The following BICDL2 variants were observed in gnomAD, a reference collection of about 807,000 sequenced individuals.
BICDL2 encodes the protein BICD family-like cargo adapter 2.
In BICDL2, 62 loss-of-function variants were observed where a neutral mutation model predicts 56.6. That is an observed-to-expected ratio of 1.10 (90% CI 0.89 to 1.35). BICDL2 has a LOEUF of 1.35. BICDL2 is among the 40% of genes most tolerant of loss of function. BICDL2 has a pLI of 0.00. For synonymous variants in BICDL2, 358 were observed against 319.8 expected, an observed-to-expected ratio of 1.12 and a Z score of -1.27; for missense variants, 808 against 684.5, an observed-to-expected ratio of 1.18 and a Z score of -2.01.
In BICDL2 at chr16:3,029,698, C is replaced by A; in HGVS notation, c.804G>T (p.Ala268=). ...AGACGCGCCGCTGCAGCCTCCGCAG[C>A]GCACTCAGCGCCTCCCCAGCCTCTG... ...ARSEAGEALS[A]LRRLQRRVSE... is the part of the protein sequence containing the mutation. Residue 268 remains alanine (A), a synonymous_variant, in exon 6 of 10, where the codon GCG becomes GCT. Coordinates refer to ENST00000572449, the MANE Select transcript of BICDL2 (RefSeq NM_001369667.1). 1 of 1,540,702 alleles carries A rather than the reference C, an allele frequency of 6.5e-7. No individual in the cohort carries two copies. Among genetic ancestry groups the A allele is most frequent in the Non-Finnish European group, 8.7e-7 (1 of 1,150,144 alleles).
At position 3,030,493 on chromosome 16, in the gene BICDL2, C is replaced by A; in HGVS notation, c.718G>T (p.Glu240Ter). The A allele has an allele frequency of 6.2e-7, 1 of 1,604,404 alleles. No individual in the cohort carries two copies. Residue 240 changes from glutamate (E) to a stop codon, truncating the protein, a stop_gained, in exon 5 of 10, where the codon GAG (glutamate) becomes TAG (stop). Coordinates refer to ENST00000572449, the MANE Select transcript of BICDL2 (RefSeq NM_001369667.1). LOFTEE classifies it high-confidence loss of function. ...GEGRLQTTHEELLLLRRERRE... is the reference protein window; with the variant it reads ...GEGRLQTTHE ...CGCTCCCGCCTCAGCAGCAGCAACT[C>A]CTCGTGGGTGGTCTGCAGTCTGCCC...
At position 3,031,163 on chromosome 16, in the gene BICDL2, G is replaced by C; in HGVS notation, c.283-13C>G. 6.5e-7 allele frequency: 1 copy of C among 1,533,482 alleles called. No individual in the cohort carries two copies. The highest frequency in any genetic ancestry group is 2.4e-5 in the East Asian group (1 of 40,878). The allele number at this position is 1,533,482 out of a possible 1,614,324, so 95.0% of individuals were successfully genotyped here. On this transcript the variant is annotated splice_polypyrimidine_tract_variant and intron_variant, in intron 2 of 9. Coordinates refer to ENST00000572449, the MANE Select transcript of BICDL2 (RefSeq NM_001369667.1). ...CCTGCTGGAGCCGCTGTGGGGGCCA[G>C]GGCAGAGGGACAGAGGCAGAGAGGC...
intron 7 of BICDL2, 48 bp from the exon 8 acceptor site, chr16:3,028,878 C>T: frequency 1.3e-6 from 2 of 1,509,090 alleles, no homozygotes; most frequent in Non-Finnish European, 1.8e-6. Context: ...CAATGGGCCT[C>T]CCTGCTTCTC....
intron 2 of BICDL2, 30 bp downstream of exon 2, chr16:3,035,185 A>G: frequency 2.4e-5 from 1 of 41,126 alleles, no homozygotes; most frequent in Non-Finnish European, 4.3e-5. Flanking sequence ...CTGCCCACCC[A>G]CCCACCCACC....
At chr16:3,036,409 C>A in intron 1 of BICDL2, 1 of 455,076 alleles carries the variant, frequency 2.2e-6, no homozygotes. Flanking sequence ...TCAGAGGGCC[C>A]GACACAACAG....
intron 2 of BICDL2, chr16:3,032,718 G>T (rs1955675826): frequency 6.6e-6 from 1 of 152,208 alleles, no homozygotes; most frequent in African/African-American, 2.4e-5. Context: ...GGAACAGCAA[G>T]TGCAAAGTTC....
Position 3,027,766 on chromosome 16 carries a change from C to G in BICDL2, c.*340G>C. On this transcript the variant is annotated 3_prime_UTR_variant, in exon 10 of 10. Coordinates refer to ENST00000572449, the MANE Select transcript of BICDL2 (RefSeq NM_001369667.1). ...GGCTTTTTTACCATGCTCTTTCTTT[C>G]TATGAATGGGGGCCAAATCGGTGGA... is the stretch of plus-strand genomic sequence containing the variant. 8.0e-7 allele frequency: 1 copy of G among 1,246,010 alleles called. No individual in the cohort carries two copies. 77.2% of individuals were successfully genotyped at this position (1,246,010 alleles called of 1,614,324 possible). A position where few individuals can be genotyped will look rare whatever the true frequency, so the allele number is the denominator to read the frequency against.
At chr16:3,036,025 C>G in intron 1 of BICDL2, 1 of 324,248 alleles carries the variant, frequency 3.1e-6, no homozygotes, top group South Asian at 2.4e-5. Context: ...AGCCCAGATC[C>G]CAGCCCCTGA....
At chr16:3,028,945 A>C in intron 7 of BICDL2, 115 bp from the exon 8 acceptor site, 1 of 1,358,910 alleles carries the variant, frequency 7.4e-7, no homozygotes, top group East Asian at 2.5e-5. Flanking sequence ...CAGACACCCC[A>C]GGCAGCCGTG....
intron 2 of BICDL2, among the ~76,000 whole-genome samples, chr16:3,033,883 G>C (rs1017337385): frequency 1.3e-5 from 2 of 152,156 alleles, no homozygotes; most frequent in Non-Finnish European, 2.9e-5. Flanking sequence ...GCAGGTGATG[G>C]GGGCATGGAA....
chr16:3,035,192 C>CCCCCCCCCCCCCCCCCCCT, intron 2 of BICDL2, 23 bp downstream of exon 2: 1 of 284,874 alleles, frequency 3.5e-6, no homozygotes, highest in East Asian at 1.1e-4. Flanking sequence ...CCCACCCACC[C>CCCCCCCCCCCCCCCCCCCT]ACCCCGTCCA....
rs554176594 is a variant in BICDL2 at position 3,030,474 on chromosome 16, C to A, written c.737G>T (p.Arg246Leu). The change falls in exon 5 of 10, where the codon CGG becomes CTG. Residue 246 changes from arginine to leucine, a missense_variant. By Grantham distance (102) the Arg-to-Leu change is moderately radical (BLOSUM62 -2). Coordinates refer to ENST00000572449, the MANE Select transcript of BICDL2 (RefSeq NM_001369667.1). ...TTHEELLLLR[R>L]ERREHSLELE... ...CTCCAGGCTGTGCTCCCGCCGCTCC[C>A]GCCTCAGCAGCAGCAACTCCTCGTG... 5.0e-6 allele frequency: 8 copies of A among 1,603,628 alleles called. No homozygotes were observed. In the African/African-American group the frequency reaches 8.0e-5, roughly 16 times the overall value.
At chr16:3,032,930 G>A (rs1292889176) in intron 2 of BICDL2, 1 of 152,126 alleles carries the variant, frequency 6.6e-6, no homozygotes, top group African/African-American at 2.4e-5. Flanking sequence ...GGGAGATTCT[G>A]GTTGAGGAGT....
chr16:3,031,778 C>G (rs1230908249), intron 2 of BICDL2: 1 of 377,722 alleles, frequency 2.6e-6, no homozygotes, highest in Non-Finnish European at 4.7e-6. Flanking sequence ...CAGCGACTCG[C>G]AGGTACCCTG....
rs567178257 is a variant in BICDL2 at position 3,029,601 on chromosome 16, G to A, written c.901C>T (p.His301Tyr). The A allele has an allele frequency of 1.2e-5, 18 of 1,543,114 alleles. No homozygotes were observed. In the South Asian group the frequency reaches 2.0e-4, roughly 17 times the overall value. ...SAASLQSELAHSLDDGDQGQG... is the reference protein window; with the variant it reads ...SAASLQSELAYSLDDGDQGQG... ...CCCTGGTCGCCGTCGTCGAGGCTGT[G>A]GGCCAGTTCTGACTGCAACGAGGCA... The change falls in exon 6 of 10, where the codon CAC (histidine) becomes TAC (tyrosine). Residue 301 changes from histidine to tyrosine, a missense_variant. His to Tyr is a moderately conservative substitution (Grantham distance 83, BLOSUM62 2). Coordinates refer to ENST00000572449, the MANE Select transcript of BICDL2 (RefSeq NM_001369667.1).
intron 3 of BICDL2, 32 bp from the exon 4 acceptor site, chr16:3,030,844 T>C: frequency 6.3e-7 from 1 of 1,578,742 alleles, no homozygotes; most frequent in Non-Finnish European, 8.6e-7. Flanking sequence ...CAGAGGAGCC[T>C]CAGCACCAAG....
chr16:3,031,201 G>A, intron 2 of BICDL2, 51 bp from the exon 3 acceptor site: 2 of 1,477,222 alleles, frequency 1.4e-6, no homozygotes, highest in Non-Finnish European at 1.8e-6. Flanking sequence ...CGATGAGACT[G>A]GGCAGGCACA....
At position 3,028,003 on chromosome 16, in the gene BICDL2, G is replaced by T; in HGVS notation, c.*103C>A. The T allele has an allele frequency of 7.4e-7, 1 of 1,346,804 alleles. No individual in the cohort carries two copies. Among genetic ancestry groups the T allele is most frequent in the Non-Finnish European group, 9.6e-7 (1 of 1,042,120 alleles). 83.4% of individuals were successfully genotyped at this position (1,346,804 alleles called of 1,614,324 possible). A position where few individuals can be genotyped will look rare whatever the true frequency, so the allele number is the denominator to read the frequency against. ...TGCCCAGCATCCTGGGGCGGGGAGGGCATCAGCTTCTTTTGGAAGACAATC... is the reference window on the plus strand; with the variant it reads ...TGCCCAGCATCCTGGGGCGGGGAGGTCATCAGCTTCTTTTGGAAGACAATC... On this transcript the variant is annotated 3_prime_UTR_variant, in exon 10 of 10. Coordinates refer to ENST00000572449, the MANE Select transcript of BICDL2 (RefSeq NM_001369667.1).
At chr16:3,028,543 T>A in intron 8 of BICDL2, 75 bp from the exon 9 acceptor site, 4 of 1,541,460 alleles carry the variant, frequency 2.6e-6, no homozygotes, top group Non-Finnish European at 3.5e-6. Flanking sequence ...GGGACTTCTG[T>A]ACCCGGGCGG....
Sources: gnomAD v4.1 joint callset for allele counts (sites outside exome capture counted in the v4.1 genomes callset) on GRCh38, gnomAD v4.1.1 for gene constraint, MANE v1.5 for transcripts, NCBI Gene and HGNC (gene_info 2026-07-23, HGNC 2026-07-21) for gene names.